The following KCNQ5 variants were observed in gnomAD, a reference collection of about 807,000 sequenced individuals.
KCNQ5 encodes potassium voltage-gated channel subfamily Q member 5, also known as potassium voltage-gated channel subfamily KQT member 5.
KCNQ5 carries 30 observed loss-of-function variants against 98.2 expected under a neutral mutation model. The observed-to-expected ratio is 0.31, with a 90% CI of 0.23 to 0.41. The LOEUF (loss-of-function observed/expected upper bound fraction) is 0.41. KCNQ5 is among the 10% of genes least tolerant of loss of function. KCNQ5 has a pLI of 1.00. For synonymous variants in KCNQ5, 458 were observed against 449.4 expected, an observed-to-expected ratio of 1.02 and a Z score of -0.24; for missense variants, 835 against 1,182.5, an observed-to-expected ratio of 0.71 and a Z score of 4.31.
At chr6:72,838,034 T>A (rs889225533) in intron 1 of KCNQ5, among the ~76,000 whole-genome samples, 5 of 151,916 alleles carry the variant, frequency 3.3e-5, no homozygotes, top group African/African-American at 1.2e-4. Flanking sequence ...ACATGTGTCA[T>A]GTTGGTGTGC....
intron 1 of KCNQ5, among the ~76,000 whole-genome samples, chr6:72,794,124 A>G (rs1323326360): frequency 6.6e-6 from 1 of 152,226 alleles, no homozygotes; most frequent in Non-Finnish European, 1.5e-5. Context: ...ACAAATTCAC[A>G]TGCATATGAA....
chr6:72,765,282 A>T (rs1772510429), intron 1 of KCNQ5, among the ~76,000 whole-genome samples: 1 of 151,944 alleles, frequency 6.6e-6, no homozygotes, highest in Non-Finnish European at 1.5e-5. Context: ...TGCCAGCATG[A>T]TCCCTTGAGT....
At chr6:72,986,979 A>G in intron 1 of KCNQ5, 1 of 803,848 alleles carries the variant, frequency 1.2e-6, no homozygotes, top group Non-Finnish European at 2.1e-6. Context: ...GCACAGTGGG[A>G]AGGTGAAGAA....
chr6:73,103,533 T>A (rs916805726), intron 5 of KCNQ5, among the ~76,000 whole-genome samples: 1 of 151,982 alleles, frequency 6.6e-6, no homozygotes, highest in Non-Finnish European at 1.5e-5. Flanking sequence ...ATACCTAATG[T>A]AGATGATGAG....
chr6:72,696,750 A>G (rs1450236136), intron 1 of KCNQ5, among the ~76,000 whole-genome samples: 1 of 152,206 alleles, frequency 6.6e-6, no homozygotes, highest in Non-Finnish European at 1.5e-5. Context: ...TTATAATTGG[A>G]AACACCTTTG....
At chr6:72,961,818 A>C (rs929111759) in intron 1 of KCNQ5, among the ~76,000 whole-genome samples, 13 of 152,064 alleles carry the variant, frequency 8.5e-5, no homozygotes, top group Middle Eastern at 6.8e-3. Flanking sequence ...GAGAACAGAG[A>C]GATTATATCT....
At chr6:72,694,478 G>T (rs1768383937) in intron 1 of KCNQ5, among the ~76,000 whole-genome samples, 1 of 152,142 alleles carries the variant, frequency 6.6e-6, no homozygotes, top group Admixed American at 6.5e-5. Flanking sequence ...AAAAACATTG[G>T]CCTGGGTAGG....
intron 3 of KCNQ5, among the ~76,000 whole-genome samples, chr6:73,071,386 A>G (rs926307824): frequency 3.9e-5 from 6 of 152,200 alleles, no homozygotes; most frequent in African/African-American, 1.4e-4. Context: ...AATGTACAGG[A>G]CTATTCGTTT....
intron 1 of KCNQ5, among the ~76,000 whole-genome samples, chr6:72,853,964 G>T (rs1218563178): frequency 6.6e-6 from 1 of 152,144 alleles, no homozygotes; most frequent in Non-Finnish European, 1.5e-5. Flanking sequence ...ACACCTCCTA[G>T]GTGGAATAAA....
chr6:73,127,272 A>G (rs1445472770), intron 9 of KCNQ5, among the ~76,000 whole-genome samples: 1 of 152,208 alleles, frequency 6.6e-6, no homozygotes, highest in African/African-American at 2.4e-5. Context: ...ACTAATTAAC[A>G]CCACCCAACT....
At chr6:72,819,443 A>C (rs1292162954) in intron 1 of KCNQ5, among the ~76,000 whole-genome samples, 1 of 152,242 alleles carries the variant, frequency 6.6e-6, no homozygotes, top group Admixed American at 6.5e-5. Flanking sequence ...ATCATATTAC[A>C]TAACTTGATT....
chr6:72,915,623 CT>C lies in KCNQ5; in HGVS notation c.399-88283del, dbSNP rs1459338616. The stretch of plus-strand genomic sequence containing the variant: ...GAAATGTATTTGTCTATGCTAAGAA[CT>C]TAAAGATTTAAAGCATAGCAGACTT... On this transcript the variant is annotated intron_variant, in intron 1 of 13. Transcript: ENST00000370398. Among the ~76,000 whole-genome samples, 9 of 152,180 alleles carry C rather than the reference CT, an allele frequency of 5.9e-5. No individual in the cohort carries two copies. The East Asian group carries it at 1.7e-3, about 29-fold the overall frequency.
intron 1 of KCNQ5, among the ~76,000 whole-genome samples, chr6:72,794,525 G>A (rs1774225319): frequency 6.6e-6 from 1 of 152,124 alleles, no homozygotes; most frequent in Admixed American, 6.6e-5. Context: ...ACTGATAAAA[G>A]AGGACCTTTC....
At chr6:73,143,884 G>T (rs914404493) in intron 10 of KCNQ5, among the ~76,000 whole-genome samples, 1 of 152,062 alleles carries the variant, frequency 6.6e-6, no homozygotes, top group Non-Finnish European at 1.5e-5. Flanking sequence ...TCCAAAATTC[G>T]CACAAAATAA....
At position 72,825,397 on chromosome 6, in the gene KCNQ5, A is replaced by T. The variant is rs545646745; in HGVS notation, c.399-178511A>T. ...GAATGTAAGATCCTTGAAAGTAAGT[A>T]TTTTTGTTTGTTTTATACATATCTC... On this transcript the variant is annotated intron_variant, in intron 1 of 13. Transcript: ENST00000370398. 9.2e-5 allele frequency among the ~76,000 whole-genome samples: 14 copies of T among 152,198 alleles called. No homozygotes were observed. In the East Asian group the frequency reaches 2.1e-3, roughly 23 times the overall value.
intron 1 of KCNQ5, among the ~76,000 whole-genome samples, chr6:72,684,234 C>T (rs1461801139): frequency 6.6e-6 from 1 of 152,210 alleles, no homozygotes; most frequent in South Asian, 2.1e-4. Flanking sequence ...CTTCCTTAGT[C>T]AGATCCTGAG....
chr6:73,032,914 G>A (rs559121696), intron 2 of KCNQ5, among the ~76,000 whole-genome samples: 1 of 152,232 alleles, frequency 6.6e-6, no homozygotes, highest in African/African-American at 2.4e-5. Flanking sequence ...CCTGTGGCAG[G>A]TGAAGGGGAA....
At chr6:73,031,308 T>G (rs1337322457) in intron 2 of KCNQ5, among the ~76,000 whole-genome samples, 2 of 152,212 alleles carry the variant, frequency 1.3e-5, no homozygotes, top group African/African-American at 4.8e-5. Flanking sequence ...GCCCACACTG[T>G]CACTAAGACA....
At chr6:72,642,236 A>G (rs1765356778) in intron 1 of KCNQ5, among the ~76,000 whole-genome samples, 1 of 151,648 alleles carries the variant, frequency 6.6e-6, no homozygotes, top group Non-Finnish European at 1.5e-5. Context: ...AAACACACAT[A>G]TCCTTTGCCC....
Sources: gnomAD v4.1 joint callset for allele counts (sites outside exome capture counted in the v4.1 genomes callset) on GRCh38, gnomAD v4.1.1 for gene constraint, MANE v1.5 for transcripts, NCBI Gene and HGNC (gene_info 2026-07-23, HGNC 2026-07-21) for gene names.